Variants in PTPN13 observed in about 807,000 individuals in gnomAD.
The protein encoded by PTPN13 is tyrosine-protein phosphatase non-receptor type 13.
Under a neutral mutation model 284.0 loss-of-function variants are expected in PTPN13, and 191 were observed. That is an observed-to-expected ratio of 0.67 (90% CI 0.60 to 0.76). The LOEUF (loss-of-function observed/expected upper bound fraction) is 0.76. PTPN13 is among the 30% of genes least tolerant of loss of function. The probability of loss-of-function intolerance (pLI) is 0.00; values close to 1 mark genes in which losing one functional copy is unlikely to be tolerated. For synonymous variants in PTPN13, 986 were observed against 1,022.3 expected (o/e 0.96, Z 0.68); for missense variants, 2,797 against 2,939.9 (o/e 0.95, Z 1.12).
chr4:86,736,069 G>T (rs1197036809), intron 15 of PTPN13, among the ~76,000 whole-genome samples: 1 of 152,166 alleles, frequency 6.6e-6, no homozygotes, highest in Non-Finnish European at 1.5e-5. Flanking sequence ...TGAATTTGGT[G>T]AATGGCTTGA....
At chr4:86,757,634 C>T (rs72665791) in intron 20 of PTPN13, among the ~76,000 whole-genome samples, 21,908 of 151,612 alleles carry the variant, frequency 0.14, 2,005 homozygotes, top group East Asian at 0.27. Flanking sequence ...CATGTTGGCA[C>T]GTGCCTGTCG....
intron 40 of PTPN13, among the ~76,000 whole-genome samples, chr4:86,791,855 C>A (rs1742714955): frequency 6.6e-6 from 1 of 152,116 alleles, no homozygotes; most frequent in Non-Finnish European, 1.5e-5. Flanking sequence ...CTGTAGGTCA[C>A]CAACATCTAA....
chr4:86,765,630 C>G lies in PTPN13; in HGVS notation c.4243+142C>G. ...ATTATAAAACTGTAGCATTAAGAAA[C>G]TCTTTGATGCCATTTCAAAAACTCT... On this transcript the variant is annotated intron_variant, in intron 26 of 47. Transcript: ENST00000411767. 1.2e-5 allele frequency: 7 copies of G among 573,428 alleles called. No individual in the cohort carries two copies. In the South Asian group the frequency reaches 2.4e-4, roughly 19 times the overall value. 35.5% of individuals were successfully genotyped at this position (573,428 alleles called of 1,614,324 possible). A position where few individuals can be genotyped will look rare whatever the true frequency, so the allele number is the denominator to read the frequency against.
intron 17 of PTPN13, among the ~76,000 whole-genome samples, chr4:86,746,499 A>G (rs1352342655): frequency 6.6e-6 from 1 of 151,806 alleles, no homozygotes; most frequent in Non-Finnish European, 1.5e-5. Context: ...CAGAATCATG[A>G]TAGGGGTGGA....
At chr4:86,682,870 T>A (rs1249174905) in intron 3 of PTPN13, among the ~76,000 whole-genome samples, 1 of 152,234 alleles carries the variant, frequency 6.6e-6, no homozygotes, top group Non-Finnish European at 1.5e-5. Context: ...AAAGCATTTT[T>A]CTTTGTATTC....
intron 2 of PTPN13, among the ~76,000 whole-genome samples, chr4:86,672,051 T>C (rs778630160): frequency 6.6e-6 from 1 of 152,234 alleles, no homozygotes; most frequent in African/African-American, 2.4e-5. Flanking sequence ...ATATGTCACG[T>C]TGATAAAACA....
intron 40 of PTPN13, among the ~76,000 whole-genome samples, chr4:86,790,574 A>G (rs1322681753): frequency 6.6e-6 from 1 of 152,170 alleles, no homozygotes; most frequent in Non-Finnish European, 1.5e-5. Context: ...AACCAAGGAA[A>G]CCTGCTTTAG....
chr4:86,648,919 C>T (rs1724760527), intron 2 of PTPN13, among the ~76,000 whole-genome samples: 1 of 152,088 alleles, frequency 6.6e-6, no homozygotes, highest in Admixed American at 6.5e-5. Flanking sequence ...TTATACAAGT[C>T]ATTTTAACTA....
At position 86,734,880 on chromosome 4, in the gene PTPN13, GA is replaced by G; in HGVS notation, c.2151+6del. ...TATGGAGATTATCAACCAGAGGTAG[GA>G]TTTGTGTTTTTTTCCAGGACCATTT... On this transcript the variant is annotated splice_donor_region_variant and intron_variant, in intron 14 of 47. Transcript: ENST00000411767. 6.2e-7 allele frequency: 1 copy of G among 1,608,164 alleles called. No homozygotes were observed.
intron 7 of PTPN13, among the ~76,000 whole-genome samples, chr4:86,715,977 C>A (rs551723713): frequency 6.6e-6 from 1 of 152,312 alleles, no homozygotes; most frequent in South Asian, 2.1e-4. Flanking sequence ...GTACCCCCTT[C>A]CAAATGCTTA....
At chr4:86,668,809 G>T (rs1223601205) in intron 2 of PTPN13, among the ~76,000 whole-genome samples, 1 of 124,684 alleles carries the variant, frequency 8.0e-6, no homozygotes, top group Non-Finnish European at 1.6e-5. Flanking sequence ...GTTTCTCTAT[G>T]TTGGCCAGGC....
At chr4:86,750,055 A>C (rs967870448) in intron 17 of PTPN13, among the ~76,000 whole-genome samples, 1 of 152,184 alleles carries the variant, frequency 6.6e-6, no homozygotes, top group Non-Finnish European at 1.5e-5. Context: ...CAGCCCATCT[A>C]GGTTTCGTCT....
intron 35 of PTPN13, among the ~76,000 whole-genome samples, chr4:86,777,105 TTA>T (rs1300137871): frequency 6.6e-6 from 1 of 152,242 alleles, no homozygotes; most frequent in African/African-American, 2.4e-5. Context: ...AGAAAATGTA[TTA>T]GTTTCCTATT....
intron 24 of PTPN13, among the ~76,000 whole-genome samples, chr4:86,764,181 A>G (rs1416502097): frequency 6.6e-6 from 1 of 152,216 alleles, no homozygotes; most frequent in South Asian, 2.1e-4. Flanking sequence ...AAGGAAATAA[A>G]ACTAATTTGT....
intron 12 of PTPN13, 126 bp downstream of exon 12, chr4:86,732,892 G>A: frequency 3.0e-6 from 2 of 668,196 alleles, no homozygotes; most frequent in Non-Finnish European, 4.5e-6. Flanking sequence ...CAGTAGAAGT[G>A]AGTTAGGAAC....
At chr4:86,703,711 A>T (rs572353004) in intron 7 of PTPN13, among the ~76,000 whole-genome samples, 119 of 152,180 alleles carry the variant, frequency 7.8e-4, no homozygotes, top group Non-Finnish European at 1.1e-3. Flanking sequence ...TACAAAAAAA[A>T]TTTTTTAATT....
chr4:86,770,019 T>C (rs1739798899), intron 29 of PTPN13, 36 bp downstream of exon 29: 3 of 1,612,130 alleles, frequency 1.9e-6, no homozygotes, highest in Non-Finnish European at 8.5e-7. Flanking sequence ...GCATTTTTAA[T>C]GATGAGATGG....
At chr4:86,730,153 G>T (rs146324755) in intron 10 of PTPN13, among the ~76,000 whole-genome samples, 1 of 149,804 alleles carries the variant, frequency 6.7e-6, no homozygotes, top group East Asian at 1.9e-4. Context: ...ATCACCAGTG[G>T]ATGCTGCAGA....
At position 86,677,041 on chromosome 4, in the gene PTPN13, G is replaced by A. The variant is rs188814629; in HGVS notation, c.294+4498G>A. On this transcript the variant is annotated intron_variant, in intron 3 of 47. Coordinates refer to ENST00000411767, the MANE Select transcript of PTPN13 (RefSeq NM_080683.3). Reference sequence around the variant, plus strand: ...CCAGCACTTTGGAAGGCCGAAGCGGGCAGATCACGAGGTCAGGAGATCGAG... The same window carrying A: ...CCAGCACTTTGGAAGGCCGAAGCGGACAGATCACGAGGTCAGGAGATCGAG... 3.4e-3 allele frequency among the ~76,000 whole-genome samples: 513 copies of A among 152,190 alleles called. 1 individual carries two copies. Among genetic ancestry groups the A allele is most frequent in the African/African-American group, 0.012 (496 of 41,552 alleles).
Sources: allele counts gnomAD v4.1 joint callset (sites outside exome capture counted in the v4.1 genomes callset), GRCh38; gene constraint gnomAD v4.1.1; transcripts MANE v1.5; gene names NCBI Gene and HGNC (gene_info 2026-07-23, HGNC 2026-07-21).